RBFOX3: variants seen among roughly 807,000 people sequenced by gnomAD.
The protein encoded by RBFOX3 is RNA binding fox-1 homolog 3, also known as RNA binding protein fox-1 homolog 3.
Under a neutral mutation model 48.7 loss-of-function variants are expected in RBFOX3, and 17 were observed. The ratio of observed to expected loss-of-function variants is 0.35; its 90% CI spans 0.24 to 0.52. RBFOX3 has a LOEUF of 0.52. RBFOX3 is among the 20% of genes least tolerant of loss of function. RBFOX3 has a pLI of 0.94. For missense variants in RBFOX3, 382 were observed against 497.5 expected (o/e 0.77, Z 2.21); for synonymous variants, 212 against 209.5 (o/e 1.01, Z -0.10).
At chr17:79,291,967 G>A (rs1233928685) in intron 3 of RBFOX3, among the ~76,000 whole-genome samples, 3 of 152,128 alleles carry the variant, frequency 2.0e-5, no homozygotes, top group Non-Finnish European at 4.4e-5. Flanking sequence ...TTGGAGGCAT[G>A]GGTTTAACTA....
At chr17:79,653,028 G>GA in the RBFOX3 span, among the ~76,000 whole-genome samples, 6 of 151,694 alleles carry the variant, frequency 4.0e-5, no homozygotes, top group Non-Finnish European at 7.4e-5. Context: ...AATTTAGTGG[G>GA]AAAAAAAATG....
chr17:79,625,608 A>G, the RBFOX3 span, among the ~76,000 whole-genome samples: 1 of 152,216 alleles, frequency 6.6e-6, no homozygotes, highest in African/African-American at 2.4e-5. Context: ...CCTGGCCAAC[A>G]TGGTGAAATC....
At chr17:79,455,200 C>G (rs111557377) in intron 2 of RBFOX3, among the ~76,000 whole-genome samples, 2,465 of 152,330 alleles carry the variant, frequency 0.016, 30 homozygotes, top group Middle Eastern at 0.034. Flanking sequence ...CTGGAGGAAG[C>G]TGGATGTGCT....
chr17:79,573,844 G>T (rs972566478), intron 1 of RBFOX3, among the ~76,000 whole-genome samples: 1 of 152,158 alleles, frequency 6.6e-6, no homozygotes, highest in Non-Finnish European at 1.5e-5. Flanking sequence ...AGAGCCACGC[G>T]GGCACGTTCA....
rs546172277 is a variant in RBFOX3 at position 79,089,579 on chromosome 17, T to C, written c.*1304A>G. 5.9e-5 allele frequency: 9 copies of C among 152,706 alleles called. No individual in the cohort carries two copies. The highest frequency in any genetic ancestry group is 2.2e-4 in the African/African-American group (9 of 41,560). 9.5% of individuals were successfully genotyped at this position (152,706 alleles called of 1,614,324 possible). ...GCCGGAGGCAGGGCGTGGGGCTATG[T>C]ACAACGGGAATAGAAAAGGAGAATT... On this transcript the variant is annotated 3_prime_UTR_variant, in exon 15 of 15. Coordinates refer to ENST00000693108, the MANE Select transcript of RBFOX3 (RefSeq NM_001350451.2).
At chr17:79,235,738 T>G (rs141259360) in intron 4 of RBFOX3, 28 bp downstream of exon 4, 6 of 153,860 alleles carry the variant, frequency 3.9e-5, no homozygotes, top group African/African-American at 1.4e-4. Context: ...CAAAAACTAT[T>G]CAGGAAAAAT....
At chr17:79,459,111 G>C (rs1353375702) in intron 2 of RBFOX3, among the ~76,000 whole-genome samples, 1 of 152,106 alleles carries the variant, frequency 6.6e-6, no homozygotes, top group Non-Finnish European at 1.5e-5. Context: ...CCTCCCCTAG[G>C]CACTCCACAG....
At chr17:79,106,892 C>A in intron 5 of RBFOX3, 104 bp from the exon 6 acceptor site, 1 of 1,367,752 alleles carries the variant, frequency 7.3e-7, no homozygotes, top group South Asian at 1.5e-5. Flanking sequence ...TCTCCCCACC[C>A]TTCTGGGCCT....
intron 4 of RBFOX3, among the ~76,000 whole-genome samples, chr17:79,129,660 C>T (rs1457357828): frequency 6.6e-6 from 1 of 152,212 alleles, no homozygotes; most frequent in Non-Finnish European, 1.5e-5. Flanking sequence ...CCTCCCCTGC[C>T]CCAATGGGGA....
intron 1 of RBFOX3, among the ~76,000 whole-genome samples, chr17:79,504,601 G>A (rs1303309727): frequency 5.9e-5 from 9 of 152,144 alleles, no homozygotes; most frequent in East Asian, 3.9e-4. Flanking sequence ...TGGCTGCATC[G>A]CTCCAGTCTC....
At chr17:79,646,082 C>A in the RBFOX3 span, among the ~76,000 whole-genome samples, 9 of 152,090 alleles carry the variant, frequency 5.9e-5, no homozygotes, top group African/African-American at 1.4e-4. Context: ...TAGTGGGCTT[C>A]GGGATCTTGT....
intron 2 of RBFOX3, among the ~76,000 whole-genome samples, chr17:79,369,137 T>G (rs1020629528): frequency 3.3e-5 from 5 of 152,142 alleles, no homozygotes; most frequent in African/African-American, 1.2e-4. Flanking sequence ...CTGGTGGGCA[T>G]CCGGTGGCAC....
chr17:79,576,382 T>C (rs2092857968), intron 1 of RBFOX3, among the ~76,000 whole-genome samples: 1 of 151,848 alleles, frequency 6.6e-6, no homozygotes, highest in Non-Finnish European at 1.5e-5. Flanking sequence ...ATGGAGATGA[T>C]GGAGAAGATG....
intron 3 of RBFOX3, among the ~76,000 whole-genome samples, chr17:79,294,398 T>C (rs752469327): frequency 2.2e-4 from 33 of 152,040 alleles, no homozygotes; most frequent in Non-Finnish European, 3.4e-4. Context: ...GCAACCTCCA[T>C]CTTCCGGGCT....
chr17:79,435,936 A>G (rs868911417), intron 2 of RBFOX3, among the ~76,000 whole-genome samples: 5 of 152,224 alleles, frequency 3.3e-5, no homozygotes, highest in Non-Finnish European at 7.3e-5. Context: ...AGGTAAACCT[A>G]TAGTGACAAC....
rs2078183167 is a variant in RBFOX3 at position 79,477,952 on chromosome 17, G to C, written c.-175+4502C>G. Among the ~76,000 whole-genome samples, 1 of 152,100 alleles carries C rather than the reference G, an allele frequency of 6.6e-6. No individual in the cohort carries two copies. The highest frequency in any genetic ancestry group is 2.1e-4 in the South Asian group (1 of 4,824). The stretch of plus-strand genomic sequence containing the variant: ...GCTGGGCACCGCCTGTTCCACCCAG[G>C]AGCACCTAGGACGAGCTCCTGCAAA... On this transcript the variant is annotated intron_variant, in intron 2 of 14. Transcript: ENST00000693108. The surrounding 1 kb of genome is among the most constrained non-coding windows in gnomAD (Gnocchi z 4.8).
At chr17:79,174,985 C>T (rs1237292935) in intron 4 of RBFOX3, among the ~76,000 whole-genome samples, 2 of 152,236 alleles carry the variant, frequency 1.3e-5, no homozygotes, top group East Asian at 3.9e-4. Flanking sequence ...GGGGCCTCCT[C>T]TGCCCCTCTC....
rs994844512 is a variant in RBFOX3 at position 79,521,341 on chromosome 17, C to G, written c.-319-38743G>C. On this transcript the variant is annotated intron_variant, in intron 1 of 14. Transcript: ENST00000693108. ...AGACACACACATTCATACACACATT[C>G]ACACACTCACACTCAGACACAGATG... Among the ~76,000 whole-genome samples the G allele has an allele frequency of 2.4e-4, 37 of 151,826 alleles. No homozygotes were observed. The East Asian group carries it at 7.2e-3, about 29-fold the overall frequency.
chr17:79,289,187 C>T (rs2072711721), intron 3 of RBFOX3, among the ~76,000 whole-genome samples: 1 of 152,226 alleles, frequency 6.6e-6, no homozygotes, highest in South Asian at 2.1e-4. Flanking sequence ...TTCCGCACAG[C>T]CTCTGCCCAC....
Sources: gnomAD v4.1 joint callset for allele counts (sites outside exome capture counted in the v4.1 genomes callset) on GRCh38, gnomAD v4.1.1 for gene constraint, Gnocchi (gnomAD v3.1) non-coding constraint, MANE v1.5 for transcripts, NCBI Gene and HGNC (gene_info 2026-07-23, HGNC 2026-07-21) for gene names.